MYO5A: variants seen among roughly 807,000 people sequenced by gnomAD.
MYO5A encodes myosin VA.
MYO5A carries 98 observed loss-of-function variants against 249.7 expected under a neutral mutation model. That is an observed-to-expected ratio of 0.39 (90% CI 0.33 to 0.46). The LOEUF (loss-of-function observed/expected upper bound fraction) is 0.46. MYO5A is among the 20% of genes least tolerant of loss of function. MYO5A has a pLI of 0.98. For missense variants in MYO5A, 1,696 were observed against 2,308.8 expected, an observed-to-expected ratio of 0.73 and a Z score of 5.44; for synonymous variants, 778 against 810.6, an observed-to-expected ratio of 0.96 and a Z score of 0.68.
chr15:52,373,037 T>C (rs907324585), intron 20 of MYO5A, among the ~76,000 whole-genome samples: 1 of 152,106 alleles, frequency 6.6e-6, no homozygotes, highest in African/African-American at 2.4e-5. Context: ...GGATTTTCCA[T>C]TGCTATTTCA....
At chr15:52,333,077 C>A (rs951002127) in intron 34 of MYO5A, among the ~76,000 whole-genome samples, 2 of 152,202 alleles carry the variant, frequency 1.3e-5, no homozygotes, top group African/African-American at 4.8e-5. Flanking sequence ...AAGGCACCTG[C>A]CATCTCGGAA....
At chr15:52,493,998 A>G (rs1472321876) in intron 1 of MYO5A, among the ~76,000 whole-genome samples, 2 of 152,246 alleles carry the variant, frequency 1.3e-5, no homozygotes, top group African/African-American at 4.8e-5. Flanking sequence ...AACTACGAGC[A>G]CAGCAAGCTT....
At chr15:52,368,796 G>T (rs1287157584) in intron 22 of MYO5A, among the ~76,000 whole-genome samples, 1 of 152,112 alleles carries the variant, frequency 6.6e-6, no homozygotes, top group Non-Finnish European at 1.5e-5. Flanking sequence ...GAAATGAAAT[G>T]AAAGAAAAAA....
At chr15:52,491,198 T>C (rs1442414328) in intron 1 of MYO5A, among the ~76,000 whole-genome samples, 1 of 152,178 alleles carries the variant, frequency 6.6e-6, no homozygotes. Flanking sequence ...AAAAGGCACA[T>C]CTCCAAAGAT....
chr15:52,469,305 T>G (rs531103589), intron 1 of MYO5A, among the ~76,000 whole-genome samples: 2 of 152,216 alleles, frequency 1.3e-5, no homozygotes, highest in African/African-American at 4.8e-5. Flanking sequence ...ACATAAACAG[T>G]TGATTAACAC....
chr15:52,470,818 T>C (rs1175224823), intron 1 of MYO5A, among the ~76,000 whole-genome samples: 2 of 151,870 alleles, frequency 1.3e-5, no homozygotes, highest in Admixed American at 1.3e-4. Flanking sequence ...AGGTCAGGCA[T>C]TCGAGACCAG....
intron 29 of MYO5A, among the ~76,000 whole-genome samples, chr15:52,346,777 T>C (rs1024306592): frequency 3.9e-5 from 5 of 127,364 alleles, no homozygotes; most frequent in African/African-American, 2.5e-4. Context: ...TGAAAAAAAA[T>C]ATATATATAT....
At chr15:52,389,515 A>G in intron 12 of MYO5A, 152 bp from the exon 13 acceptor site, 2 of 768,238 alleles carry the variant, frequency 2.6e-6, no homozygotes, top group Non-Finnish European at 4.0e-6. Context: ...TCCACATTTC[A>G]TTGTTAGAGG....
At chr15:52,325,756 T>C (rs1197214897) in intron 36 of MYO5A, among the ~76,000 whole-genome samples, 1 of 152,134 alleles carries the variant, frequency 6.6e-6, no homozygotes, top group Non-Finnish European at 1.5e-5. Context: ...GGGTATCCTC[T>C]GTCCACATGA....
In MYO5A at chr15:52,343,162, TC is replaced by T; in HGVS notation, c.3994del (p.Asp1332MetfsTer11). ...SALDYHELNE[D>X]GELWLVYEGL... is the part of the protein sequence containing the mutation. ...TTCATAAACCAGCCACAGCTCTCCA[TC>T]CTCATTCAACTCATGGTAATCCAGA... On this transcript the variant is annotated frameshift_variant, in exon 31 of 42. Coordinates refer to ENST00000399233, the MANE Select transcript of MYO5A (RefSeq NM_001382347.1). LOFTEE classifies it high-confidence loss of function. The T allele has an allele frequency of 6.2e-7, 1 of 1,614,054 alleles. No individual in the cohort carries two copies. Among genetic ancestry groups the T allele is most frequent in the Non-Finnish European group, 8.5e-7 (1 of 1,179,872 alleles).
chr15:52,373,990 G>T lies in MYO5A; in HGVS notation c.2577+1314C>A, dbSNP rs144975159. On this transcript the variant is annotated intron_variant, in intron 20 of 41. Coordinates refer to ENST00000399233, the MANE Select transcript of MYO5A (RefSeq NM_001382347.1). ...ATAAATAAATAAATAAATAAATAGGGCCTAGGTCACACCCATATACTGTCT... is the reference window on the plus strand; with the variant it reads ...ATAAATAAATAAATAAATAAATAGGTCCTAGGTCACACCCATATACTGTCT... 7.9e-3 allele frequency among the ~76,000 whole-genome samples: 1,086 copies of T among 137,160 alleles called. 2 individuals are homozygous for T. The highest frequency in any genetic ancestry group is 0.014 in the Non-Finnish European group (892 of 62,638). The allele number at this position is 137,160 out of a possible 152,430, so 90.0% of individuals were successfully genotyped here.
At position 52,407,311 on chromosome 15, in the gene MYO5A, C is replaced by T. The variant is rs112325631; in HGVS notation, c.927G>A (p.Arg309=). ...CATTACCTAGCAAAGTGCAGGCCTGCCTAGTATGTGCCATCTCCTTTGCAT... is the reference window on the plus strand; with the variant it reads ...CATTACCTAGCAAAGTGCAGGCCTGTCTAGTATGTGCCATCTCCTTTGCAT... ...VDDAKEMAHT[R]QACTLLGISE... is the part of the protein sequence containing the mutation. The change falls in exon 8 of 42, where the codon AGG becomes AGA. Residue 309 remains arginine (R), a synonymous_variant. Transcript: ENST00000399233. 1 of 1,613,140 alleles carries T rather than the reference C, an allele frequency of 6.2e-7. No homozygotes were observed. The highest frequency in any genetic ancestry group is 8.5e-7 in the Non-Finnish European group (1 of 1,179,132).
chr15:52,372,076 G>A, intron 21 of MYO5A, 48 bp downstream of exon 21: 1 of 1,612,050 alleles, frequency 6.2e-7, no homozygotes, highest in Non-Finnish European at 8.5e-7. Flanking sequence ...AATCCTGGTG[G>A]ATTTCTTCAG....
chr15:52,518,444 T>A (rs1293376520), intron 1 of MYO5A, among the ~76,000 whole-genome samples: 1 of 152,228 alleles, frequency 6.6e-6, no homozygotes, highest in Non-Finnish European at 1.5e-5. Context: ...ATTCCGACTT[T>A]ATGAAAATGT....
intron 1 of MYO5A, among the ~76,000 whole-genome samples, chr15:52,479,203 C>T (rs998748377): frequency 1.3e-5 from 2 of 151,968 alleles, no homozygotes; most frequent in African/African-American, 2.4e-5. Flanking sequence ...GTCTCGAATG[C>T]CTGACCTCCA....
intron 23 of MYO5A, among the ~76,000 whole-genome samples, chr15:52,365,296 C>T (rs914291612): frequency 2.0e-5 from 3 of 152,198 alleles, no homozygotes; most frequent in African/African-American, 7.2e-5. Flanking sequence ...GTGTTGTGTG[C>T]TTGTTGGTCA....
At chr15:52,526,353 G>A (rs1239556673) in intron 1 of MYO5A, among the ~76,000 whole-genome samples, 7 of 151,778 alleles carry the variant, frequency 4.6e-5, no homozygotes, top group East Asian at 1.9e-4. Context: ...TGACTAACTC[G>A]CCCAGCTAAT....
intron 34 of MYO5A, among the ~76,000 whole-genome samples, chr15:52,330,953 T>A (rs1384417747): frequency 6.6e-6 from 1 of 152,228 alleles, no homozygotes; most frequent in East Asian, 1.9e-4. Flanking sequence ...CTTGGCTCAA[T>A]GACTTTAGCC....
At chr15:52,528,693 C>T in intron 1 of MYO5A, 87 bp downstream of exon 1, 1 of 1,417,944 alleles carries the variant, frequency 7.1e-7, no homozygotes, top group Non-Finnish European at 9.3e-7. Context: ...CGCCTGGGCC[C>T]GGCGCTCCCG....
Sources: gnomAD v4.1 joint callset for allele counts (sites outside exome capture counted in the v4.1 genomes callset) on GRCh38, gnomAD v4.1.1 for gene constraint, MANE v1.5 for transcripts, NCBI Gene and HGNC (gene_info 2026-07-23, HGNC 2026-07-21) for gene names.